Variants in EDIL3 observed in about 807,000 individuals in gnomAD.
EDIL3 encodes EGF like and discoidin domains 3, also known as EGF-like repeat and discoidin I-like domain-containing protein 3.
In EDIL3, 37 loss-of-function variants were observed where a neutral mutation model predicts 67.4. That is an observed-to-expected ratio of 0.55 (90% confidence interval 0.42 to 0.72). EDIL3 has a LOEUF of 0.72. EDIL3 is among the 30% of genes least tolerant of loss of function. The pLI, the probability that EDIL3 is intolerant of heterozygous loss-of-function variation, is 0.00. For synonymous variants in EDIL3, 195 were observed against 196.3 expected (o/e 0.99, Z 0.05); for missense variants, 527 against 586.3 (o/e 0.90, Z 1.04).
chr5:84,190,536 CATATAT>C (rs3836849), intron 3 of EDIL3, among the ~76,000 whole-genome samples: 105 of 134,996 alleles, frequency 7.8e-4, no homozygotes, highest in African/African-American at 2.7e-3. Flanking sequence ...AGTATTTCTA[CATATAT>C]ATATATATAT....
chr5:84,018,154 G>A (rs1186036064), intron 9 of EDIL3, among the ~76,000 whole-genome samples: 2 of 152,142 alleles, frequency 1.3e-5, no homozygotes, highest in East Asian at 3.9e-4. Flanking sequence ...TGGCATGGTT[G>A]TCTAAAGTAC....
At chr5:84,120,886 G>T (rs981390720) in intron 5 of EDIL3, among the ~76,000 whole-genome samples, 4 of 151,804 alleles carry the variant, frequency 2.6e-5, no homozygotes, top group African/African-American at 9.7e-5. Context: ...AATATGAAAA[G>T]GAATAATGAT....
At chr5:84,123,441 T>C (rs1747813291) in intron 5 of EDIL3, among the ~76,000 whole-genome samples, 1 of 151,974 alleles carries the variant, frequency 6.6e-6, no homozygotes, top group South Asian at 2.1e-4. Flanking sequence ...TGCATAAACT[T>C]GGATTTTGCC....
At chr5:84,013,387 G>A (rs1745549498) in intron 9 of EDIL3, among the ~76,000 whole-genome samples, 1 of 152,088 alleles carries the variant, frequency 6.6e-6, no homozygotes, top group Non-Finnish European at 1.5e-5. Context: ...GTGATTTATA[G>A]CTAGAAAGAT....
intron 4 of EDIL3, among the ~76,000 whole-genome samples, chr5:84,174,708 G>A (rs1025328186): frequency 6.6e-6 from 1 of 152,110 alleles, no homozygotes; most frequent in Non-Finnish European, 1.5e-5. Context: ...AGAACAAGAC[G>A]GACTGTTGGG....
chr5:84,291,330 C>A (rs1745909775), intron 1 of EDIL3, among the ~76,000 whole-genome samples: 1 of 152,122 alleles, frequency 6.6e-6, no homozygotes, highest in East Asian at 1.9e-4. Context: ...AATGCACAAC[C>A]GGTTTGCCTG....
chr5:84,236,666 C>A (rs886428316), intron 2 of EDIL3, among the ~76,000 whole-genome samples: 3 of 152,004 alleles, frequency 2.0e-5, no homozygotes, highest in Admixed American at 6.6e-5. Context: ...CCTTGGAGGG[C>A]AAATGTTTTA....
chr5:83,978,146 T>C (rs1465787075), intron 9 of EDIL3, among the ~76,000 whole-genome samples: 1 of 151,926 alleles, frequency 6.6e-6, no homozygotes, highest in Non-Finnish European at 1.5e-5. Context: ...ATGAATAAGA[T>C]AGTTTAGCAA....
intron 4 of EDIL3, among the ~76,000 whole-genome samples, chr5:84,146,950 TAAC>T (rs1561445321): frequency 6.6e-6 from 1 of 152,036 alleles, no homozygotes; most frequent in Non-Finnish European, 1.5e-5. Flanking sequence ...ACAACCCATA[TAAC>T]AACCACCAAG....
intron 1 of EDIL3, among the ~76,000 whole-genome samples, chr5:84,347,693 A>G (rs1372957961): frequency 1.3e-5 from 2 of 152,182 alleles, no homozygotes; most frequent in Admixed American, 6.5e-5. Flanking sequence ...AACAACCATT[A>G]TATTCATCTT....
intron 10 of EDIL3, among the ~76,000 whole-genome samples, chr5:83,962,880 T>C (rs1744627774): frequency 6.6e-6 from 1 of 151,690 alleles, no homozygotes. Flanking sequence ...TAGCAATAAC[T>C]ATTTACATAT....
At chr5:84,250,947 C>A (rs1745012340) in intron 2 of EDIL3, among the ~76,000 whole-genome samples, 1 of 152,050 alleles carries the variant, frequency 6.6e-6, no homozygotes, top group African/African-American at 2.4e-5. Flanking sequence ...AGTGACAGCT[C>A]AAATATTTTT....
At chr5:83,985,599 T>C (rs1745045543) in intron 9 of EDIL3, among the ~76,000 whole-genome samples, 1 of 152,004 alleles carries the variant, frequency 6.6e-6, no homozygotes, top group Admixed American at 6.6e-5. Flanking sequence ...TGAAATCAAA[T>C]TTGGGTACAA....
chr5:84,288,800 C>T (rs555229181), intron 1 of EDIL3, among the ~76,000 whole-genome samples: 2 of 152,234 alleles, frequency 1.3e-5, no homozygotes, highest in South Asian at 4.1e-4. Context: ...AAATGTCATA[C>T]TACACATTTT....
chr5:84,214,514 T>C (rs905960343), intron 3 of EDIL3, among the ~76,000 whole-genome samples: 3 of 152,186 alleles, frequency 2.0e-5, no homozygotes, highest in African/African-American at 7.2e-5. Flanking sequence ...ATTGTCTTTC[T>C]TGTTCAAATA....
At chr5:83,980,905 A>G (rs980080960) in intron 9 of EDIL3, among the ~76,000 whole-genome samples, 3 of 151,874 alleles carry the variant, frequency 2.0e-5, no homozygotes, top group Non-Finnish European at 4.4e-5. Flanking sequence ...ACCACTAAAA[A>G]GAATAAAATA....
In EDIL3 at chr5:83,943,364, C is replaced by G; in HGVS notation, c.*55G>C. 1 of 1,604,656 alleles carries G rather than the reference C, an allele frequency of 6.2e-7. No individual in the cohort carries two copies. Among genetic ancestry groups the G allele is most frequent in the South Asian group, 1.1e-5 (1 of 90,748 alleles). On this transcript the variant is annotated 3_prime_UTR_variant, in exon 11 of 11. Transcript: ENST00000296591. ...TCCTACAGATTTTGCACAGTTCATT[C>G]CATGGAGATACTTTTAGGGAAATAG...
intron 9 of EDIL3, among the ~76,000 whole-genome samples, chr5:84,056,229 C>A (rs902002540): frequency 1.3e-5 from 2 of 152,034 alleles, no homozygotes; most frequent in Non-Finnish European, 2.9e-5. Flanking sequence ...GGACAAAAAA[C>A]CAAACACCGC....
intron 6 of EDIL3, among the ~76,000 whole-genome samples, chr5:84,087,860 G>A (rs966856725): frequency 6.6e-6 from 1 of 152,056 alleles, no homozygotes; most frequent in African/African-American, 2.4e-5. Flanking sequence ...TGGCACATGG[G>A]AAATAATAAA....
Sources: gnomAD v4.1 joint callset for allele counts (sites outside exome capture counted in the v4.1 genomes callset) on GRCh38, gnomAD v4.1.1 for gene constraint, MANE v1.5 for transcripts, NCBI Gene and HGNC (gene_info 2026-07-23, HGNC 2026-07-21) for gene names.